ASZ1: variants seen among roughly 807,000 people sequenced by gnomAD.
ASZ1 encodes the protein ankyrin repeat, SAM and basic leucine zipper domain-containing protein 1.
In ASZ1, 67 loss-of-function variants were observed where a neutral mutation model predicts 61.8. That is an observed-to-expected ratio of 1.08 (90% CI 0.89 to 1.33). The LOEUF (loss-of-function observed/expected upper bound fraction) is 1.33. ASZ1 is among the 40% of genes most tolerant of loss of function. The pLI is 0.00. For synonymous variants in ASZ1, 193 were observed against 192.7 expected (o/e 1.00, Z -0.01); for missense variants, 577 against 554.5 (o/e 1.04, Z -0.41).
rs1219793520 is a variant in ASZ1 at position 117,382,761 on chromosome 7, TCTTA to T, written c.812+221_812+224del. Reference sequence around the variant, plus strand: ...TTAAAAATAGATTTTATTGTTGATATCTTACTTAAAGTTTACATTTAAAGTTATT... The same window carrying T: ...TTAAAAATAGATTTTATTGTTGATATCTTAAAGTTTACATTTAAAGTTATT... On this transcript the variant is annotated intron_variant, in intron 7 of 12. Transcript: ENST00000284629. Among the ~76,000 whole-genome samples, 11 of 152,238 alleles carry T rather than the reference TCTTA, an allele frequency of 7.2e-5. No individual in the cohort carries two copies. In the South Asian group the frequency reaches 1.5e-3, roughly 20 times the overall value.
intron 2 of ASZ1, among the ~76,000 whole-genome samples, chr7:117,426,247 C>T (rs969595859): frequency 1.3e-5 from 2 of 150,742 alleles, no homozygotes; most frequent in African/African-American, 2.4e-5. Context: ...TTTGGGAGGC[C>T]GAGACAGGCG....
intron 10 of ASZ1, among the ~76,000 whole-genome samples, chr7:117,379,063 T>C (rs1796194429): frequency 6.7e-6 from 1 of 149,920 alleles, no homozygotes; most frequent in Non-Finnish European, 1.5e-5. Context: ...TAAAGGGGTA[T>C]TATGAGACAG....
intron 2 of ASZ1, among the ~76,000 whole-genome samples, chr7:117,423,778 C>T (rs972571556): frequency 1.3e-4 from 19 of 149,410 alleles, no homozygotes; most frequent in Non-Finnish European, 4.4e-5. Context: ...AGGAGAATTG[C>T]GTGAACACAC....
intron 4 of ASZ1, among the ~76,000 whole-genome samples, chr7:117,394,138 T>C (rs1207196786): frequency 6.6e-6 from 1 of 152,078 alleles, no homozygotes; most frequent in Non-Finnish European, 1.5e-5. Context: ...AGGGTCTTGC[T>C]CTGTCACTCG....
chr7:117,368,744 C>A (rs1352677250), intron 10 of ASZ1, 27 bp from the exon 11 acceptor site: 1 of 1,606,874 alleles, frequency 6.2e-7, no homozygotes, highest in Non-Finnish European at 8.5e-7. Context: ...AACAAACAAG[C>A]AGGAATTACT....
chr7:117,403,103 C>T (rs112816027), intron 4 of ASZ1, among the ~76,000 whole-genome samples: 94 of 152,158 alleles, frequency 6.2e-4, no homozygotes, highest in African/African-American at 1.9e-3. Flanking sequence ...GGTAAAGGTC[C>T]GTTGTTCTCC....
At chr7:117,410,462 C>A (rs1186451326) in intron 4 of ASZ1, among the ~76,000 whole-genome samples, 1 of 151,482 alleles carries the variant, frequency 6.6e-6, no homozygotes, top group Admixed American at 6.6e-5. Context: ...AAAATTATGA[C>A]TATTTTGCCA....
chr7:117,403,735 A>G (rs1194513912), intron 4 of ASZ1, among the ~76,000 whole-genome samples: 1 of 152,134 alleles, frequency 6.6e-6, no homozygotes, highest in African/African-American at 2.4e-5. Flanking sequence ...ACTTGGCTCC[A>G]GTATCCACTA....
chr7:117,373,146 CAGGAACAGTTAA>C (rs1796078867), intron 10 of ASZ1, among the ~76,000 whole-genome samples: 1 of 152,096 alleles, frequency 6.6e-6, no homozygotes, highest in Non-Finnish European at 1.5e-5. Flanking sequence ...AGAGTCTAAA[CAGGAACAGTTAA>C]AAATTTCAAA....
chr7:117,383,192 T>C, intron 6 of ASZ1, 82 bp from the exon 7 acceptor site: 1 of 1,336,528 alleles, frequency 7.5e-7, no homozygotes, highest in East Asian at 2.9e-5. Context: ...CATACGATTA[T>C]CTCATATCCA....
chr7:117,401,853 A>G (rs1272101600), intron 4 of ASZ1, among the ~76,000 whole-genome samples: 1 of 152,052 alleles, frequency 6.6e-6, no homozygotes, highest in Non-Finnish European at 1.5e-5. Flanking sequence ...GGAAGCTCGA[A>G]CACAAACACA....
chr7:117,367,389 C>G lies in ASZ1; in HGVS notation c.1238G>C (p.Ser413Thr). Residue 413 changes from serine to threonine, a missense_variant, in exon 12 of 13, where the codon AGT (serine) becomes ACT (threonine). By Grantham distance (58) the Ser-to-Thr change is moderately conservative (BLOSUM62 1). Transcript: ENST00000284629. ...GTCTTTTAGTTTGCAGACCTTTTCA[C>G]TCAAATCTTCAACATTATTAACCAA... ...EELVNNVEDL[S>T]EKVCKLKDLI... The G allele has an allele frequency of 6.4e-7, 1 of 1,563,750 alleles. No homozygotes were observed. The highest frequency in any genetic ancestry group is 8.6e-7 in the Non-Finnish European group (1 of 1,157,212).
intron 10 of ASZ1, among the ~76,000 whole-genome samples, chr7:117,372,871 T>G (rs1465714890): frequency 6.6e-6 from 1 of 152,186 alleles, no homozygotes; most frequent in East Asian, 1.9e-4. Flanking sequence ...TTATCATGAG[T>G]ATTTTCCCAT....
At chr7:117,402,641 T>C (rs1796701277) in intron 4 of ASZ1, among the ~76,000 whole-genome samples, 1 of 152,108 alleles carries the variant, frequency 6.6e-6, no homozygotes, top group Non-Finnish European at 1.5e-5. Flanking sequence ...TGAGCCCCCA[T>C]CTTGACTAAG....
At chr7:117,412,037 GAAGTGTGT>G (rs1796904078) in intron 4 of ASZ1, among the ~76,000 whole-genome samples, 1 of 116,784 alleles carries the variant, frequency 8.6e-6, no homozygotes, top group African/African-American at 3.6e-5. Flanking sequence ...CAAGTGAAAA[GAAGTGTGT>G]GTGTGTGTGT....
chr7:117,411,437 C>T (rs1796887491), intron 4 of ASZ1, among the ~76,000 whole-genome samples: 1 of 151,732 alleles, frequency 6.6e-6, no homozygotes, highest in Admixed American at 6.6e-5. Flanking sequence ...CTATAACATG[C>T]TCACTTTTAT....
intron 4 of ASZ1, among the ~76,000 whole-genome samples, chr7:117,386,370 T>C (rs1448862725): frequency 6.6e-6 from 1 of 152,194 alleles, no homozygotes; most frequent in Admixed American, 6.5e-5. Context: ...ATAAGTCCAA[T>C]AGATTAACCA....
intron 11 of ASZ1, chr7:117,367,980 C>T (rs1795976096): frequency 1.6e-6 from 1 of 633,324 alleles, no homozygotes; most frequent in Non-Finnish European, 2.0e-6. Flanking sequence ...CTCTTGGGCT[C>T]AAGTGATCCT....
intron 10 of ASZ1, among the ~76,000 whole-genome samples, chr7:117,369,988 G>A (rs948781655): frequency 6.6e-6 from 1 of 152,098 alleles, no homozygotes; most frequent in African/African-American, 2.4e-5. Flanking sequence ...ACCTAGGATT[G>A]TGCCTAGTAC....
Sources: allele counts gnomAD v4.1 joint callset (sites outside exome capture counted in the v4.1 genomes callset), GRCh38; gene constraint gnomAD v4.1.1; transcripts MANE v1.5; gene names NCBI Gene and HGNC (gene_info 2026-07-23, HGNC 2026-07-21).